Variants in IGSF21 observed in about 807,000 individuals in gnomAD.
IGSF21 encodes immunoglobin superfamily member 21.
A neutral mutation model predicts 46.8 loss-of-function variants in IGSF21; 28 were observed. That is an observed-to-expected ratio of 0.60 (90% CI 0.44 to 0.82). The LOEUF is 0.82. IGSF21 is among the 40% of genes least tolerant of loss of function. The probability of loss-of-function intolerance (pLI) is 0.00; values close to 1 mark genes in which losing one functional copy is unlikely to be tolerated. For missense variants in IGSF21, 624 were observed against 665.5 expected, an observed-to-expected ratio of 0.94 and a Z score of 0.69; for synonymous variants, 284 against 273.6, an observed-to-expected ratio of 1.04 and a Z score of -0.38.
chr1:18,291,802 G>A (rs2085269543), intron 2 of IGSF21, 64 bp from the exon 3 acceptor site: 1 of 1,589,690 alleles, frequency 6.3e-7, no homozygotes. Context: ...TCAGTGTCCT[G>A]GGGAAAGGGG....
In IGSF21 at chr1:18,290,728, G is replaced by A. The variant is rs535797363; in HGVS notation, c.184-1138G>A. Among the ~76,000 whole-genome samples the A allele has an allele frequency of 6.6e-6, 1 of 152,244 alleles. No homozygotes were observed. Among genetic ancestry groups the A allele is most frequent in the East Asian group, 1.9e-4 (1 of 5,150 alleles). ...CCAGTACTCCCAGGCAGGTGACAGG[G>A]GGACAGATTCACACTCCAATCCTCA... is the stretch of plus-strand genomic sequence containing the variant. On this transcript the variant is annotated intron_variant, in intron 2 of 9. Coordinates refer to ENST00000251296, the MANE Select transcript of IGSF21 (RefSeq NM_032880.5). This position sits in a 1 kb window ranked among gnomAD's most constrained non-coding sequence, Gnocchi z 4.2.
At chr1:18,265,857 G>C (rs2084984967) in intron 2 of IGSF21, among the ~76,000 whole-genome samples, 1 of 152,238 alleles carries the variant, frequency 6.6e-6, no homozygotes, top group African/African-American at 2.4e-5. Flanking sequence ...GCAAGGTGCA[G>C]CCAATGGGCT....
intron 1 of IGSF21, among the ~76,000 whole-genome samples, chr1:18,120,372 C>T (rs573797278): frequency 1.3e-5 from 2 of 152,328 alleles, no homozygotes; most frequent in South Asian, 2.1e-4. Context: ...ACTTTACCCT[C>T]TTCCTGCCTT....
In IGSF21 at chr1:18,276,064, C is replaced by G. The variant is rs147816236; in HGVS notation, c.184-15802C>G. Among the ~76,000 whole-genome samples, 502 of 152,298 alleles carry G rather than the reference C, an allele frequency of 3.3e-3. 8 individuals are homozygous for G. The South Asian group carries it at 0.043, about 13-fold the overall frequency. On this transcript the variant is annotated intron_variant, in intron 2 of 9. Transcript: ENST00000251296. ...CAAGGAATATCTGTTTCCTGCTGTG[C>G]CCTGCCTGGCACAACCATCTTCCCC...
chr1:18,321,805 G>A (rs223218), intron 3 of IGSF21, among the ~76,000 whole-genome samples: 89,502 of 152,108 alleles, frequency 0.59, 27,900 homozygotes, highest in African/African-American at 0.8. Flanking sequence ...ACCGTAGCAG[G>A]TATCAGCTCT....
chr1:18,375,253 C>A (rs1055041722), intron 6 of IGSF21, among the ~76,000 whole-genome samples: 1 of 152,208 alleles, frequency 6.6e-6, no homozygotes, highest in African/African-American at 2.4e-5. Flanking sequence ...TGTTCACCAC[C>A]ATATCCTCAG....
At chr1:18,363,490 C>T (rs1441383520) in intron 5 of IGSF21, among the ~76,000 whole-genome samples, 1 of 65,184 alleles carries the variant, frequency 1.5e-5, no homozygotes, top group Non-Finnish European at 3.5e-5. Context: ...TGCAGAGATA[C>T]AGGTGAGGCA....
intron 1 of IGSF21, among the ~76,000 whole-genome samples, chr1:18,145,216 T>C (rs199707585): frequency 2.7e-5 from 4 of 145,928 alleles, no homozygotes; most frequent in Non-Finnish European, 4.5e-5. Flanking sequence ...TTTTAAAAAG[T>C]TATCCTCGGA....
chr1:18,317,064 G>A (rs960907282), intron 3 of IGSF21, among the ~76,000 whole-genome samples: 15 of 152,286 alleles, frequency 9.8e-5, no homozygotes, highest in East Asian at 1.9e-4. Context: ...GGTGAGTCAC[G>A]TAATCTGACT....
intron 4 of IGSF21, among the ~76,000 whole-genome samples, chr1:18,341,091 C>CCTT: frequency 8.8e-6 from 1 of 114,022 alleles, no homozygotes; most frequent in Non-Finnish European, 1.9e-5. Flanking sequence ...TCCTCCTCCT[C>CCTT]CTCCTTCTCC....
chr1:18,170,698 C>A (rs1004645854), intron 1 of IGSF21, among the ~76,000 whole-genome samples: 1 of 151,996 alleles, frequency 6.6e-6, no homozygotes, highest in Non-Finnish European at 1.5e-5. Flanking sequence ...TGAACGTACA[C>A]TGCCTGACTC....
At chr1:18,273,419 C>CTCA in intron 2 of IGSF21, among the ~76,000 whole-genome samples, 1 of 140,018 alleles carries the variant, frequency 7.1e-6, no homozygotes, top group Non-Finnish European at 1.5e-5. Flanking sequence ...CCTTTCTTTT[C>CTCA]CTTTCCTTTC....
At chr1:18,198,654 A>C (rs2087034152) in intron 1 of IGSF21, among the ~76,000 whole-genome samples, 1 of 152,094 alleles carries the variant, frequency 6.6e-6, no homozygotes, top group Non-Finnish European at 1.5e-5. Flanking sequence ...ATTACGGAGG[A>C]GGCCGGCAGT....
chr1:18,355,065 G>A (rs1268039283), intron 4 of IGSF21, among the ~76,000 whole-genome samples: 2 of 152,220 alleles, frequency 1.3e-5, no homozygotes, highest in Non-Finnish European at 2.9e-5. Flanking sequence ...TTTGCCCAAA[G>A]TTCTATGGGA....
chr1:18,291,751 A>G, intron 2 of IGSF21, 115 bp from the exon 3 acceptor site: 1 of 1,264,148 alleles, frequency 7.9e-7, no homozygotes, highest in Non-Finnish European at 1.1e-6. Context: ...TATTCTCAGG[A>G]TGGGGGCTGT....
chr1:18,360,491 C>G (rs533932792), intron 4 of IGSF21, among the ~76,000 whole-genome samples: 1 of 152,276 alleles, frequency 6.6e-6, no homozygotes, highest in South Asian at 2.1e-4. Context: ...TGGGCACCTC[C>G]TGGCAGCACC....
chr1:18,148,727 A>G (rs2086493405), intron 1 of IGSF21, among the ~76,000 whole-genome samples: 1 of 152,224 alleles, frequency 6.6e-6, no homozygotes, highest in East Asian at 1.9e-4. Context: ...TGCCACGGTG[A>G]GTAAGCATAG....
At chr1:18,250,086 A>ACTCCCTCCCTCG (rs1201919791) in intron 2 of IGSF21, among the ~76,000 whole-genome samples, 1 of 39,588 alleles carries the variant, frequency 2.5e-5, no homozygotes, top group Non-Finnish European at 4.9e-5. Flanking sequence ...TCCATCCCCC[A>ACTCCCTCCCTCG]CTCCCTCCCT....
intron 1 of IGSF21, among the ~76,000 whole-genome samples, chr1:18,191,789 G>A (rs898622007): frequency 1.3e-5 from 2 of 152,124 alleles, no homozygotes. Flanking sequence ...TGCCCCCTGC[G>A]TTCTGAGGCT....
Sources: gnomAD v4.1 joint callset for allele counts (sites outside exome capture counted in the v4.1 genomes callset) on GRCh38, gnomAD v4.1.1 for gene constraint, Gnocchi (gnomAD v3.1) non-coding constraint, MANE v1.5 for transcripts, NCBI Gene and HGNC (gene_info 2026-07-23, HGNC 2026-07-21) for gene names.